Variants in CAMTA1 observed in about 807,000 individuals in gnomAD.
CAMTA1 encodes the protein calmodulin-binding transcription activator 1.
A neutral mutation model predicts 170.9 loss-of-function variants in CAMTA1; 27 were observed. That is an observed-to-expected ratio of 0.16 (90% confidence interval 0.12 to 0.22). The LOEUF is 0.22. Ranked by LOEUF, CAMTA1 falls within the 10% of genes least tolerant of loss-of-function variation. The pLI is 1.00. For synonymous variants in CAMTA1, 833 were observed against 891.5 expected (o/e 0.93, Z 1.17); for missense variants, 1,619 against 2,217.2 (o/e 0.73, Z 5.42).
intron 5 of CAMTA1, among the ~76,000 whole-genome samples, chr1:7,370,482 C>T (rs926614607): frequency 7.2e-5 from 11 of 152,140 alleles, no homozygotes; most frequent in African/African-American, 2.7e-4. Context: ...GAAACGTGCA[C>T]ATCCAGAAAT....
At chr1:7,623,452 AGC>A (rs2095612479) in intron 6 of CAMTA1, among the ~76,000 whole-genome samples, 1 of 152,208 alleles carries the variant, frequency 6.6e-6, no homozygotes, top group African/African-American at 2.4e-5. Context: ...CTGAAGGGAA[AGC>A]CTGACTTCCC....
chr1:7,717,391 G>A (rs955570030), intron 11 of CAMTA1, among the ~76,000 whole-genome samples: 2 of 151,986 alleles, frequency 1.3e-5, no homozygotes, highest in African/African-American at 2.4e-5. Flanking sequence ...TTTCCACAAC[G>A]TTCATGTACT....
intron 5 of CAMTA1, among the ~76,000 whole-genome samples, chr1:7,381,957 G>A (rs1224547201): frequency 2.0e-5 from 3 of 152,312 alleles, no homozygotes; most frequent in Admixed American, 2.0e-4. Flanking sequence ...TTGAGAACTG[G>A]CTGGGCAACT....
chr1:6,833,991 G>A (rs1023233592), intron 3 of CAMTA1, among the ~76,000 whole-genome samples: 28 of 152,110 alleles, frequency 1.8e-4, no homozygotes, highest in Admixed American at 1.6e-3. Context: ...TGAGTGTTGG[G>A]TAAGGCACTT....
intron 3 of CAMTA1, 44 bp from the exon 4 acceptor site, chr1:7,091,260 T>C (rs1201855459): frequency 3.6e-6 from 5 of 1,404,122 alleles, no homozygotes; most frequent in Admixed American, 1.7e-5. Flanking sequence ...CAGGATCCAA[T>C]GTGAGCTAAT....
chr1:7,303,491 A>G (rs1675108272), intron 5 of CAMTA1, among the ~76,000 whole-genome samples: 1 of 152,228 alleles, frequency 6.6e-6, no homozygotes, highest in African/African-American at 2.4e-5. Flanking sequence ...GACATAATTT[A>G]TGTCATACAA....
chr1:7,528,253 A>C (rs1421028122), intron 6 of CAMTA1, among the ~76,000 whole-genome samples: 1 of 152,200 alleles, frequency 6.6e-6, no homozygotes, highest in South Asian at 2.1e-4. Context: ...TTAGCCCTCA[A>C]GGAAAAAGGC....
At chr1:7,069,071 C>T (rs539700866) in intron 3 of CAMTA1, among the ~76,000 whole-genome samples, 1 of 152,352 alleles carries the variant, frequency 6.6e-6, no homozygotes, top group East Asian at 1.9e-4. Context: ...CTGCCATGCC[C>T]TTGACCCTGC....
intron 6 of CAMTA1, among the ~76,000 whole-genome samples, chr1:7,492,574 C>T (rs975410264): frequency 8.6e-5 from 13 of 151,964 alleles, no homozygotes; most frequent in Non-Finnish European, 1.0e-4. Context: ...CACATACAAA[C>T]GCAAACCTAC....
chr1:7,578,817 G>A (rs146561753), intron 6 of CAMTA1, among the ~76,000 whole-genome samples: 339 of 152,292 alleles, frequency 2.2e-3, no homozygotes, highest in African/African-American at 7.8e-3. Context: ...ATAGTGGCAC[G>A]AATGCGTGTA....
intron 4 of CAMTA1, among the ~76,000 whole-genome samples, chr1:7,157,349 A>C (rs1201853119): frequency 7.1e-6 from 1 of 140,908 alleles, no homozygotes; most frequent in Non-Finnish European, 1.5e-5. Flanking sequence ...TGTCTCAAAA[A>C]AAAAAAAAAA....
At chr1:6,851,158 T>C (rs1660226429) in intron 3 of CAMTA1, among the ~76,000 whole-genome samples, 1 of 152,046 alleles carries the variant, frequency 6.6e-6, no homozygotes, top group Admixed American at 6.5e-5. Context: ...AGTGAAGTTA[T>C]TAGAAAAGGG....
intron 6 of CAMTA1, among the ~76,000 whole-genome samples, chr1:7,629,124 G>A (rs74725319): frequency 0.021 from 3,125 of 152,328 alleles, 95 homozygotes; most frequent in African/African-American, 0.071. Flanking sequence ...GGTGAGAGCA[G>A]GAGACAAACA....
At chr1:7,612,543 G>A (rs1403997903) in intron 6 of CAMTA1, among the ~76,000 whole-genome samples, 1 of 152,212 alleles carries the variant, frequency 6.6e-6, no homozygotes, top group Non-Finnish European at 1.5e-5. Context: ...TTCCCATTTA[G>A]GGCTGCAGGT....
At chr1:6,921,384 C>G (rs1436928931) in intron 3 of CAMTA1, among the ~76,000 whole-genome samples, 1 of 152,196 alleles carries the variant, frequency 6.6e-6, no homozygotes, top group Non-Finnish European at 1.5e-5. Flanking sequence ...TATCATTAAG[C>G]ATTTTTTGTC....
At chr1:7,535,783 C>T (rs1386862718) in intron 6 of CAMTA1, among the ~76,000 whole-genome samples, 1 of 152,180 alleles carries the variant, frequency 6.6e-6, no homozygotes, top group Non-Finnish European at 1.5e-5. Context: ...GAGGTGATAC[C>T]TCAGCCAGTC....
In CAMTA1 at chr1:7,249,746, A is replaced by T. The variant is rs1378991027; in HGVS notation, c.438+120A>T. 14 of 1,215,072 alleles carry T rather than the reference A, an allele frequency of 1.2e-5. No individual in the cohort carries two copies. Among genetic ancestry groups the T allele is most frequent in the Non-Finnish European group, 1.5e-5 (13 of 886,412 alleles). 75.3% of individuals were successfully genotyped at this position (1,215,072 alleles called of 1,614,324 possible). On this transcript the variant is annotated intron_variant, in intron 5 of 22. Transcript: ENST00000303635. The surrounding 1 kb of genome is among the most constrained non-coding windows in gnomAD (Gnocchi z 4.4). ...TCTGTCCAAAGAATTTTTGTTTGCC[A>T]AGACCCTGGTTTTTGCTTTTGTTTC...
At chr1:7,134,556 C>T (rs1645440622) in intron 4 of CAMTA1, among the ~76,000 whole-genome samples, 1 of 152,170 alleles carries the variant, frequency 6.6e-6, no homozygotes, top group Admixed American at 6.5e-5. Flanking sequence ...GATCCTTCCA[C>T]CTTGGCCTTC....
Position 7,265,105 on chromosome 1 carries a change from G to A in CAMTA1, c.438+15479G>A, listed in dbSNP as rs543038108. On this transcript the variant is annotated intron_variant, in intron 5 of 22. Transcript: ENST00000303635. ...GCTGCAGAACTTCTCAGGCAGCCTC[G>A]AGTTAGATGTGCCAGTGCCACCCAC... 4.5e-4 allele frequency among the ~76,000 whole-genome samples: 69 copies of A among 152,146 alleles called. 2 individuals are homozygous for A. The South Asian group carries it at 0.014, about 30-fold the overall frequency.
Sources: allele counts gnomAD v4.1 joint callset (sites outside exome capture counted in the v4.1 genomes callset), GRCh38; gene constraint gnomAD v4.1.1; non-coding constraint Gnocchi (gnomAD v3.1); transcripts MANE v1.5; gene names NCBI Gene and HGNC (gene_info 2026-07-23, HGNC 2026-07-21).